RBFOX1: variants seen among roughly 807,000 people sequenced by gnomAD.
The protein encoded by RBFOX1 is RNA binding fox-1 homolog 1.
A neutral mutation model predicts 57.7 loss-of-function variants in RBFOX1; 8 were observed. That is an observed-to-expected ratio of 0.14 (90% CI 0.08 to 0.25). The LOEUF (loss-of-function observed/expected upper bound fraction) is 0.25. Ranked by LOEUF, RBFOX1 falls within the 10% of genes least tolerant of loss-of-function variation. The probability of loss-of-function intolerance (pLI) is 1.00; values close to 1 mark genes in which losing one functional copy is unlikely to be tolerated. For synonymous variants in RBFOX1, 326 were observed against 222.4 expected, an observed-to-expected ratio of 1.47 and a Z score of -4.15; for missense variants, 611 against 548.5, an observed-to-expected ratio of 1.11 and a Z score of -1.14.
intron 2 of RBFOX1, among the ~76,000 whole-genome samples, chr16:6,429,011 G>A (rs2094005264): frequency 6.6e-6 from 1 of 152,202 alleles, no homozygotes; most frequent in Non-Finnish European, 1.5e-5. Context: ...CACATTCGGT[G>A]ACATGCACCT....
chr16:5,914,174 C>T (rs141077536), intron 4 of RBFOX1, among the ~76,000 whole-genome samples: 35 of 152,330 alleles, frequency 2.3e-4, no homozygotes, highest in South Asian at 4.1e-4. Context: ...AGGAAAAAGA[C>T]GGAAAACTGT....
chr16:7,578,167 G>A (rs1006781816), intron 5 of RBFOX1, among the ~76,000 whole-genome samples: 1 of 152,110 alleles, frequency 6.6e-6, no homozygotes, highest in Non-Finnish European at 1.5e-5. Flanking sequence ...TCCATTTATT[G>A]AATACATACC....
intron 2 of RBFOX1, among the ~76,000 whole-genome samples, chr16:6,647,846 T>A (rs946097959): frequency 5.3e-5 from 8 of 152,130 alleles, no homozygotes; most frequent in African/African-American, 1.9e-4. Flanking sequence ...GTGATCCCCT[T>A]CTCTTTGTTT....
chr16:5,453,037 G>C (rs1042826014), intron 1 of RBFOX1, among the ~76,000 whole-genome samples: 1 of 152,144 alleles, frequency 6.6e-6, no homozygotes, highest in Non-Finnish European at 1.5e-5. Flanking sequence ...TTGGGACTCT[G>C]TTTACCTCTC....
chr16:5,675,310 C>T (rs1321174861), intron 3 of RBFOX1, among the ~76,000 whole-genome samples: 1 of 152,100 alleles, frequency 6.6e-6, no homozygotes, highest in Non-Finnish European at 1.5e-5. Context: ...AAGGGATGAA[C>T]CAGCCCAGGA....
chr16:6,686,599 A>C (rs942239045), intron 3 of RBFOX1, among the ~76,000 whole-genome samples: 1 of 152,244 alleles, frequency 6.6e-6, no homozygotes, highest in African/African-American at 2.4e-5. Flanking sequence ...GGGGTGAGAC[A>C]GCAGTGGAGT....
chr16:6,911,758 C>T (rs545375654), intron 3 of RBFOX1, among the ~76,000 whole-genome samples: 5 of 152,170 alleles, frequency 3.3e-5, no homozygotes, highest in Non-Finnish European at 5.9e-5. Context: ...TGCATACCTA[C>T]AGCAAATAAT....
At chr16:5,862,035 C>G (rs1439537632) in intron 3 of RBFOX1, among the ~76,000 whole-genome samples, 1 of 152,188 alleles carries the variant, frequency 6.6e-6, no homozygotes. Flanking sequence ...TTCTCTGTGT[C>G]TGGCCGAGGT....
intron 1 of RBFOX1, chr16:5,270,574 C>T: frequency 1.7e-6 from 1 of 588,128 alleles, no homozygotes. Flanking sequence ...ATGGTTACTT[C>T]TTTCATCTGT....
chr16:5,510,348 G>T (rs1185117512), intron 2 of RBFOX1, among the ~76,000 whole-genome samples: 1 of 152,192 alleles, frequency 6.6e-6, no homozygotes, highest in African/African-American at 2.4e-5. Flanking sequence ...AGGTCAGGGG[G>T]TCTGCCTGGT....
chr16:7,098,156 C>G (rs988473395), intron 4 of RBFOX1, among the ~76,000 whole-genome samples: 7 of 151,938 alleles, frequency 4.6e-5, no homozygotes, highest in African/African-American at 1.4e-4. Flanking sequence ...ATGGAAGGGA[C>G]AAAAAGTTTT....
intron 2 of RBFOX1, among the ~76,000 whole-genome samples, chr16:6,521,784 C>T (rs979339400): frequency 3.9e-5 from 6 of 152,082 alleles, no homozygotes; most frequent in African/African-American, 1.4e-4. Context: ...ATCTCCTGTA[C>T]AACTGTGATT....
At chr16:5,262,735 T>A (rs1367328768) in intron 1 of RBFOX1, among the ~76,000 whole-genome samples, 1 of 152,156 alleles carries the variant, frequency 6.6e-6, no homozygotes, top group African/African-American at 2.4e-5. Flanking sequence ...GGCAGAAAAG[T>A]GCAAAGAGGG....
intron 12 of RBFOX1, among the ~76,000 whole-genome samples, chr16:7,656,676 C>A (rs1475642335): frequency 6.6e-6 from 1 of 152,144 alleles, no homozygotes; most frequent in Non-Finnish European, 1.5e-5. Flanking sequence ...CACCCTATGA[C>A]TCACACCTAT....
At chr16:6,646,338 G>A (rs772796369) in intron 2 of RBFOX1, among the ~76,000 whole-genome samples, 2 of 152,082 alleles carry the variant, frequency 1.3e-5, no homozygotes, top group Non-Finnish European at 2.9e-5. Flanking sequence ...TGCAGCAGAT[G>A]ACAAACTAAC....
At chr16:6,878,182 C>G (rs1190745953) in intron 3 of RBFOX1, among the ~76,000 whole-genome samples, 3 of 152,072 alleles carry the variant, frequency 2.0e-5, no homozygotes, top group South Asian at 2.1e-4. Context: ...CTTCCCCAAG[C>G]AATATATTGT....
At chr16:5,575,850 C>CAAAA (rs55753003) in intron 2 of RBFOX1, among the ~76,000 whole-genome samples, 178 of 150,392 alleles carry the variant, frequency 1.2e-3, no homozygotes, top group South Asian at 8.6e-3. Context: ...TTCTCTCATT[C>CAAAA]AAAAAAAAAA....
At chr16:7,503,029 A>T (rs549888091) in intron 4 of RBFOX1, among the ~76,000 whole-genome samples, 1 of 152,110 alleles carries the variant, frequency 6.6e-6, no homozygotes, top group East Asian at 1.9e-4. Context: ...TCTCAAAAAA[A>T]ATAAATAAAT....
At chr16:6,170,045 G>A (rs1160005620) in intron 1 of RBFOX1, among the ~76,000 whole-genome samples, 1 of 152,144 alleles carries the variant, frequency 6.6e-6, no homozygotes, top group Non-Finnish European at 1.5e-5. Flanking sequence ...CTAGATTACA[G>A]GCATGATCTT....
Sources: allele counts gnomAD v4.1 joint callset (sites outside exome capture counted in the v4.1 genomes callset), GRCh38; gene constraint gnomAD v4.1.1; transcripts MANE v1.5; gene names NCBI Gene and HGNC (gene_info 2026-07-23, HGNC 2026-07-21).